The following LSMEM1 variants were observed in gnomAD, a reference collection of about 807,000 sequenced individuals.
LSMEM1 encodes leucine-rich single-pass membrane protein 1.
Under a neutral mutation model 11.3 loss-of-function variants are expected in LSMEM1, and 10 were observed. The observed-to-expected ratio is 0.89, with a 90% CI of 0.55 to 1.50. The LOEUF (loss-of-function observed/expected upper bound fraction) is 1.50. Ranked by LOEUF, LSMEM1 falls within the 40% of genes most tolerant of loss-of-function variation. The probability of loss-of-function intolerance (pLI) is 0.00; values close to 1 mark genes in which losing one functional copy is unlikely to be tolerated. For missense variants in LSMEM1, 151 were observed against 152.9 expected (o/e 0.99, Z 0.06); for synonymous variants, 65 against 59.3 (o/e 1.10, Z -0.44).
At chr7:112,488,876 C>T (rs183651254) in intron 3 of LSMEM1, among the ~76,000 whole-genome samples, 21 of 152,262 alleles carry the variant, frequency 1.4e-4, no homozygotes, top group Non-Finnish European at 2.6e-4. Flanking sequence ...GGATTATAGG[C>T]GTGAGCCACC....
intron 3 of LSMEM1, among the ~76,000 whole-genome samples, chr7:112,489,333 T>C (rs1380994257): frequency 6.6e-6 from 1 of 152,232 alleles, no homozygotes; most frequent in Non-Finnish European, 1.5e-5. Flanking sequence ...TCCATTCTAA[T>C]GGGTGGTCTG....
chr7:112,486,788 T>A, intron 2 of LSMEM1, 135 bp from the exon 3 acceptor site: 1 of 1,255,386 alleles, frequency 8.0e-7, no homozygotes, highest in Non-Finnish European at 1.1e-6. Context: ...AAAAAAAGAG[T>A]CACTTTCTAG....
Position 112,484,935 on chromosome 7 carries a change from A to G in LSMEM1, c.119A>G (p.His40Arg). Reference protein sequence around the residue: ...KLNLCPAGSQHLFPLEDKIPV... With the variant: ...KLNLCPAGSQRLFPLEDKIPV... ...AACCTCTGTCCAGCCGGATCGCAGC[A>G]TCTGTTCCGTATGTGTGCTGGGGAA... The change falls in exon 2 of 4, where the codon CAT becomes CGT. Residue 40 changes from histidine to arginine, a missense_variant. His to Arg is a conservative substitution (Grantham distance 29). Transcript: ENST00000312849. The G allele has an allele frequency of 1.2e-6, 2 of 1,610,362 alleles. No individual in the cohort carries two copies. The highest frequency in any genetic ancestry group is 1.3e-5 in the African/African-American group (1 of 74,876).
rs1379932390 is a variant in LSMEM1, at chr7:112,490,947, A to G, written c.*998A>G. ...AAATATTCTACCGGTCAATTGAAGA[A>G]TGTATTATGATTCTATCATTTTGGA... On this transcript the variant is annotated 3_prime_UTR_variant, in exon 4 of 4. Transcript: ENST00000312849. 6.6e-6 allele frequency: 1 copy of G among 152,228 alleles called. No homozygotes were observed. The highest frequency in any genetic ancestry group is 1.5e-5 in the Non-Finnish European group (1 of 68,038). The allele number at this position is 152,228 out of a possible 1,614,324, so 9.4% of individuals were successfully genotyped here.
intron 3 of LSMEM1, among the ~76,000 whole-genome samples, chr7:112,489,152 AG>A (rs1796192084): frequency 6.6e-6 from 1 of 152,256 alleles, no homozygotes; most frequent in African/African-American, 2.4e-5. Context: ...AGGTGAATAA[AG>A]AAGAGTGTTT....
In LSMEM1 at chr7:112,486,974, G is replaced by A. The variant is rs539568903; in HGVS notation, c.179G>A (p.Arg60Gln). Reference sequence around the variant, plus strand: ...GGCACAAACTCAGGAAATGGAAGCCGGAGTCTGTTTTTTGTGGGGCTGCTA... The same window carrying A: ...GGCACAAACTCAGGAAATGGAAGCCAGAGTCTGTTTTTTGTGGGGCTGCTA... Reference protein sequence around the residue: ...VLGTNSGNGSRSLFFVGLLIV... With the variant: ...VLGTNSGNGSQSLFFVGLLIV... Residue 60 changes from arginine to glutamine, a missense_variant, in exon 3 of 4, where the codon CGG (arginine) becomes CAG (glutamine). By Grantham distance (43) the Arg-to-Gln change is conservative. Coordinates refer to ENST00000312849, the MANE Select transcript of LSMEM1 (RefSeq NM_182597.3). The A allele has an allele frequency of 2.3e-5, 37 of 1,614,156 alleles. No individual in the cohort carries two copies. Among genetic ancestry groups the A allele is most frequent in the Admixed American group, 1.0e-4 (6 of 60,018 alleles).
intron 1 of LSMEM1, among the ~76,000 whole-genome samples, chr7:112,481,780 A>C (rs1796037101): frequency 6.6e-6 from 1 of 152,264 alleles, no homozygotes; most frequent in African/African-American, 2.4e-5. Flanking sequence ...TCTAAACCAG[A>C]GGAAAATGAA....
At position 112,489,891 on chromosome 7, in the gene LSMEM1, A is replaced by G. The variant is rs557245153; in HGVS notation, c.338A>G (p.Asn113Ser). Reference sequence around the variant, plus strand: ...GACATAGATGATCTTAAGAGAATCAATAACATGATCGTAAAGCGACTCAAC... The same window carrying G: ...GACATAGATGATCTTAAGAGAATCAGTAACATGATCGTAAAGCGACTCAAC... ...GKDIDDLKRINNMIVKRLNQL... is the reference protein window; with the variant it reads ...GKDIDDLKRISNMIVKRLNQL... The change falls in exon 4 of 4, where the codon AAT becomes AGT. Residue 113 changes from asparagine (N) to serine (S), a missense_variant. Physicochemically the swap from Asn to Ser is conservative, Grantham distance 46 (BLOSUM62 1). Coordinates refer to ENST00000312849, the MANE Select transcript of LSMEM1 (RefSeq NM_182597.3). 3.1e-6 allele frequency: 5 copies of G among 1,614,200 alleles called. No individual in the cohort carries two copies. In the Admixed American group the frequency reaches 5.0e-5, roughly 16 times the overall value.
intron 3 of LSMEM1, among the ~76,000 whole-genome samples, chr7:112,487,855 G>A (rs996598170): frequency 2.0e-5 from 3 of 152,264 alleles, no homozygotes; most frequent in African/African-American, 7.2e-5. Context: ...AGAGCAGACA[G>A]AGCCTAAGGG....
intron 1 of LSMEM1, among the ~76,000 whole-genome samples, chr7:112,484,381 A>G (rs969637067): frequency 7.2e-5 from 11 of 152,198 alleles, no homozygotes; most frequent in African/African-American, 2.2e-4. Flanking sequence ...AATTTTGTCT[A>G]CCTAGTCTTC....
rs1423042068 is a variant in LSMEM1, at chr7:112,490,667, G to A, written c.*718G>A. On this transcript the variant is annotated 3_prime_UTR_variant, in exon 4 of 4. Coordinates refer to ENST00000312849, the MANE Select transcript of LSMEM1 (RefSeq NM_182597.3). ...AAAGAAAGGAGATGGACAGTTATAT[G>A]TAATTATATAAACTTTGTGTATTTT... The A allele has an allele frequency of 6.6e-6, 1 of 152,216 alleles. No homozygotes were observed. The highest frequency in any genetic ancestry group is 2.4e-5 in the African/African-American group (1 of 41,446). 9.4% of individuals were successfully genotyped at this position (152,216 alleles called of 1,614,324 possible). A position where few individuals can be genotyped will look rare whatever the true frequency, so the allele number is the denominator to read the frequency against.
chr7:112,483,883 A>C (rs1022687283), intron 1 of LSMEM1, among the ~76,000 whole-genome samples: 1 of 152,318 alleles, frequency 6.6e-6, no homozygotes, highest in East Asian at 1.9e-4. Context: ...GATAACCATG[A>C]AAGGAAAAGC....
intron 2 of LSMEM1, among the ~76,000 whole-genome samples, chr7:112,485,695 G>T (rs1279778388): frequency 6.6e-6 from 1 of 151,858 alleles, no homozygotes; most frequent in Admixed American, 6.6e-5. Flanking sequence ...CTCAATAGCA[G>T]TAGAAGTTTA....
rs200119657 is a variant in LSMEM1, at chr7:112,486,986, T to C, written c.191T>C (p.Phe64Ser). 1.4e-5 allele frequency: 23 copies of C among 1,614,208 alleles called. No homozygotes were observed. The highest frequency in any genetic ancestry group is 1.9e-5 in the Non-Finnish European group (23 of 1,180,024). ...GGAAATGGAAGCCGGAGTCTGTTTT[T>C]TGTGGGGCTGCTAATTGTGCTGATT... ...NSGNGSRSLF[F>S]VGLLIVLIVS... Residue 64 changes from phenylalanine to serine, a missense_variant, in exon 3 of 4, where the codon TTT (phenylalanine) becomes TCT (serine). Phe to Ser is a radical substitution (Grantham distance 155, BLOSUM62 -2). Transcript: ENST00000312849.
At chr7:112,487,243 C>T (rs1766967737) in intron 3 of LSMEM1, among the ~76,000 whole-genome samples, 192 bp downstream of exon 3, 1 of 152,202 alleles carries the variant, frequency 6.6e-6, no homozygotes, top group South Asian at 2.1e-4. Flanking sequence ...AAACCCACTG[C>T]AGAAGCCCAT....
chr7:112,484,935 A>T lies in LSMEM1; in HGVS notation c.119A>T (p.His40Leu). Residue 40 changes from histidine (H) to leucine (L), a missense_variant, in exon 2 of 4, where the codon CAT (histidine) becomes CTT (leucine). Coordinates refer to ENST00000312849, the MANE Select transcript of LSMEM1 (RefSeq NM_182597.3). ...KLNLCPAGSQ[H>L]LFPLEDKIPV... is the part of the protein sequence containing the mutation. ...AACCTCTGTCCAGCCGGATCGCAGC[A>T]TCTGTTCCGTATGTGTGCTGGGGAA... 1 of 1,610,362 alleles carries T rather than the reference A, an allele frequency of 6.2e-7. No homozygotes were observed. Among genetic ancestry groups the T allele is most frequent in the Non-Finnish European group, 8.5e-7 (1 of 1,177,564 alleles).
intron 1 of LSMEM1, chr7:112,483,536 A>T (rs1339788309): frequency 6.6e-6 from 1 of 152,212 alleles, no homozygotes; most frequent in Non-Finnish European, 1.5e-5. Flanking sequence ...AAGCAAATAG[A>T]TGCAATAAAA....
At chr7:112,483,229 A>G (rs1307646204) in intron 1 of LSMEM1, among the ~76,000 whole-genome samples, 1 of 152,098 alleles carries the variant, frequency 6.6e-6, no homozygotes, top group Non-Finnish European at 1.5e-5. Flanking sequence ...GCAACAACAG[A>G]AAGTAAACAG....
At position 112,484,905 on chromosome 7, in the gene LSMEM1, A is replaced by G. The variant is rs1466354997; in HGVS notation, c.89A>G (p.Lys30Arg). The G allele has an allele frequency of 1.2e-6, 2 of 1,613,732 alleles. No homozygotes were observed. The highest frequency in any genetic ancestry group is 1.7e-6 in the Non-Finnish European group (2 of 1,179,748). Residue 30 changes from lysine (K) to arginine (R), a missense_variant, in exon 2 of 4, where the codon AAA becomes AGA. Lys to Arg is a conservative substitution (Grantham distance 26). Coordinates refer to ENST00000312849, the MANE Select transcript of LSMEM1 (RefSeq NM_182597.3). ...YVVDSINDLNKLNLCPAGSQH... is the reference protein window; with the variant it reads ...YVVDSINDLNRLNLCPAGSQH... ...GTGGATTCCATAAATGACTTAAACA[A>G]ACTAAACCTCTGTCCAGCCGGATCG... is the stretch of plus-strand genomic sequence containing the variant.
Sources: allele counts gnomAD v4.1 joint callset (sites outside exome capture counted in the v4.1 genomes callset), GRCh38; gene constraint gnomAD v4.1.1; transcripts MANE v1.5; gene names NCBI Gene and HGNC (gene_info 2026-07-23, HGNC 2026-07-21).